The following RYR3 variants were observed in gnomAD, a reference collection of about 807,000 sequenced individuals.
RYR3 encodes the protein brain ryanodine receptor-calcium release channel.
RYR3 carries 207 observed loss-of-function variants against 584.3 expected under a neutral mutation model. That is an observed-to-expected ratio of 0.35 (90% confidence interval 0.32 to 0.40). RYR3 has a LOEUF of 0.40. Ranked by LOEUF, RYR3 falls within the 10% of genes least tolerant of loss-of-function variation. The pLI, the probability that RYR3 is intolerant of heterozygous loss-of-function variation, is 1.00. For synonymous variants in RYR3, 2,416 were observed against 2,248.5 expected, an observed-to-expected ratio of 1.07 and a Z score of -2.11; for missense variants, 5,616 against 6,089.2, an observed-to-expected ratio of 0.92 and a Z score of 2.59.
intron 1 of RYR3, among the ~76,000 whole-genome samples, chr15:33,324,991 A>G (rs1167317977): frequency 6.6e-6 from 1 of 152,222 alleles, no homozygotes; most frequent in Non-Finnish European, 1.5e-5. Context: ...AGGACTAAAC[A>G]CACATATGGG....
chr15:33,619,221 G>A (rs1391145987), intron 19 of RYR3, among the ~76,000 whole-genome samples: 6 of 152,134 alleles, frequency 3.9e-5, no homozygotes, highest in Admixed American at 6.5e-5. Context: ...GTGGTGGAAC[G>A]GATTAAATAG....
chr15:33,722,831 G>C lies in RYR3; in HGVS notation c.6736G>C (p.Gly2246Arg), dbSNP rs1313750130. 6.2e-7 allele frequency: 1 copy of C among 1,611,768 alleles called. No individual in the cohort carries two copies. Among genetic ancestry groups the C allele is most frequent in the Non-Finnish European group, 8.5e-7 (1 of 1,179,004 alleles). The change falls in exon 44 of 104, where the codon GGT becomes CGT. Residue 2246 changes from glycine to arginine, a missense_variant. Around this residue, in one of 9 missense-constraint regions of RYR3, gnomAD observed 1,280 missense variants for 1,426.2 expected, o/e 0.90. Coordinates refer to ENST00000634891, the MANE Select transcript of RYR3 (RefSeq NM_001036.6). Reference sequence around the variant, plus strand: ...AAACGGGCTCTTGGCAGCCATGCAGGGTGCCATTAAGATCTCTGAGAACCC... The same window carrying C: ...AAACGGGCTCTTGGCAGCCATGCAGCGTGCCATTAAGATCTCTGAGAACCC... ...GGNGLLAAMQ[G>R]AIKISENPAL...
intron 85 of RYR3, among the ~76,000 whole-genome samples, chr15:33,829,685 G>A (rs1044260507): frequency 2.6e-5 from 4 of 151,982 alleles, no homozygotes; most frequent in East Asian, 1.9e-4. Flanking sequence ...CCCGGGAGGC[G>A]GAGCTTGCAG....
At chr15:33,693,909 A>G (rs953749519) in intron 38 of RYR3, among the ~76,000 whole-genome samples, 3 of 152,206 alleles carry the variant, frequency 2.0e-5, no homozygotes, top group African/African-American at 7.2e-5. Flanking sequence ...CACACTCAAC[A>G]CAGAGTGCCC....
In RYR3 at chr15:33,755,281, T is replaced by A. The variant is rs543227187; in HGVS notation, c.8515+101T>A. The A allele has an allele frequency of 7.9e-6, 6 of 760,402 alleles. No homozygotes were observed. The African/African-American group carries it at 1.1e-4, about 13-fold the overall frequency. 47.1% of individuals were successfully genotyped at this position (760,402 alleles called of 1,614,324 possible). On this transcript the variant is annotated intron_variant, in intron 58 of 103. Coordinates refer to ENST00000634891, the MANE Select transcript of RYR3 (RefSeq NM_001036.6). ...TTTTATGATTCATTTAGGTGCATGA[T>A]TTTAGGGGGAAAACAGTGGCTGAAA...
chr15:33,777,864 A>G (rs1434315646), intron 64 of RYR3, among the ~76,000 whole-genome samples: 2 of 151,794 alleles, frequency 1.3e-5, no homozygotes, highest in Non-Finnish European at 2.9e-5. Context: ...TCCTAGGTTC[A>G]TCTCTGTGTA....
rs753270695 is a variant in RYR3, at chr15:33,780,298, T to C, written c.9225T>C (p.Asn3075=). 5.6e-6 allele frequency: 9 copies of C among 1,613,712 alleles called. No individual in the cohort carries two copies. The Admixed American group carries it at 1.3e-4, about 24-fold the overall frequency. Residue 3075 remains asparagine, a synonymous_variant, in exon 65 of 104, where the codon AAT becomes AAC. Transcript: ENST00000634891. ...AFLEPTLNRY[N]PLSVFNTKTP... ...TGGAGCCCACCCTTAATCGCTACAA[T>C]CCACTCTCGGTCTTCAACACCAAAA...
chr15:33,663,215 C>G (rs548163544), intron 35 of RYR3, among the ~76,000 whole-genome samples: 1 of 152,280 alleles, frequency 6.6e-6, no homozygotes, highest in African/African-American at 2.4e-5. Context: ...TCTCTACTTT[C>G]CATCCTCCAG....
intron 19 of RYR3, among the ~76,000 whole-genome samples, chr15:33,619,345 A>G (rs974488523): frequency 2.0e-5 from 3 of 152,202 alleles, no homozygotes; most frequent in South Asian, 2.1e-4. Context: ...TAAATTTAAC[A>G]TTTTGGGGAT....
At chr15:33,458,066 T>C (rs2047708794) in intron 1 of RYR3, among the ~76,000 whole-genome samples, 1 of 152,182 alleles carries the variant, frequency 6.6e-6, no homozygotes. Flanking sequence ...TGGTGTCAAC[T>C]TGACTGGGGT....
At chr15:33,570,415 G>T (rs760145753) in intron 12 of RYR3, among the ~76,000 whole-genome samples, 2 of 152,078 alleles carry the variant, frequency 1.3e-5, no homozygotes, top group African/African-American at 4.8e-5. Context: ...CTTTCTGGAC[G>T]CTTAGTTCTG....
At chr15:33,601,665 G>A (rs954901411) in intron 17 of RYR3, 113 bp downstream of exon 17, 66 of 1,109,418 alleles carry the variant, frequency 5.9e-5, no homozygotes, top group Non-Finnish European at 7.8e-5. Context: ...TGTTTCCATG[G>A]TGATACAAGT....
At chr15:33,730,939 A>G (rs2068894436) in intron 47 of RYR3, among the ~76,000 whole-genome samples, 2 of 152,252 alleles carry the variant, frequency 1.3e-5, no homozygotes, top group Admixed American at 1.3e-4. Flanking sequence ...CTCACCAATT[A>G]ACTGAAAGGA....
intron 53 of RYR3, 49 bp downstream of exon 53, chr15:33,746,206 C>A: frequency 7.7e-7 from 1 of 1,303,382 alleles, no homozygotes; most frequent in Non-Finnish European, 1.1e-6. Flanking sequence ...TGTTTCCTTC[C>A]TTGAGTGATT....
intron 64 of RYR3, among the ~76,000 whole-genome samples, chr15:33,777,031 T>A (rs1271957696): frequency 6.6e-6 from 1 of 152,176 alleles, no homozygotes; most frequent in African/African-American, 2.4e-5. Context: ...GCTACAAAAA[T>A]TTTTTAAATC....
At chr15:33,456,023 G>A (rs1212098065) in intron 1 of RYR3, among the ~76,000 whole-genome samples, 2 of 152,180 alleles carry the variant, frequency 1.3e-5, no homozygotes, top group Admixed American at 1.3e-4. Context: ...TCCCAGAGAA[G>A]ATAGTTCTGT....
At chr15:33,765,850 CTG>C (rs1192289915) in intron 60 of RYR3, among the ~76,000 whole-genome samples, 2 of 152,082 alleles carry the variant, frequency 1.3e-5, no homozygotes, top group Non-Finnish European at 2.9e-5. Flanking sequence ...GTAAAAATCT[CTG>C]TGAAACATCA....
At chr15:33,358,907 T>C (rs1974359615) in intron 1 of RYR3, among the ~76,000 whole-genome samples, 1 of 152,198 alleles carries the variant, frequency 6.6e-6, no homozygotes, top group Non-Finnish European at 1.5e-5. Context: ...TCTAAGCTCA[T>C]TTTCTTTCGA....
At chr15:33,371,527 G>A (rs2040330374) in intron 1 of RYR3, among the ~76,000 whole-genome samples, 2 of 152,194 alleles carry the variant, frequency 1.3e-5, no homozygotes, top group African/African-American at 4.8e-5. Context: ...CATGATGCTA[G>A]GTATGGATGA....
Sources: allele counts gnomAD v4.1 joint callset (sites outside exome capture counted in the v4.1 genomes callset), GRCh38; gene constraint gnomAD v4.1.1; regional missense constraint gnomAD v4.1.1; transcripts MANE v1.5; gene names NCBI Gene and HGNC (gene_info 2026-07-23, HGNC 2026-07-21).